Variants in PTPRD observed in about 807,000 individuals in gnomAD.
PTPRD encodes the protein receptor-type tyrosine-protein phosphatase delta.
PTPRD carries 34 observed loss-of-function variants against 214.5 expected under a neutral mutation model. The observed-to-expected ratio is 0.16, with a 90% CI of 0.12 to 0.21. The LOEUF is 0.21. Ranked by LOEUF, PTPRD falls within the 10% of genes least tolerant of loss-of-function variation. The pLI, the probability that PTPRD is intolerant of heterozygous loss-of-function variation, is 1.00. For synonymous variants in PTPRD, 1,128 were observed against 845.7 expected (o/e 1.33, Z -5.79); for missense variants, 2,545 against 2,398.7 (o/e 1.06, Z -1.27).
chr9:9,944,599 T>C (rs1252512714), intron 4 of PTPRD, among the ~76,000 whole-genome samples: 1 of 152,050 alleles, frequency 6.6e-6, no homozygotes, highest in African/African-American at 2.4e-5. Flanking sequence ...GTCAGGCATG[T>C]GTATAACTGG....
intron 4 of PTPRD, among the ~76,000 whole-genome samples, chr9:10,005,398 G>A (rs554242396): frequency 1.1e-4 from 16 of 152,176 alleles, no homozygotes; most frequent in Non-Finnish European, 1.9e-4. Flanking sequence ...CAGTTCCTGC[G>A]GACTGCTGCT....
At chr9:8,870,649 C>T (rs2098279158) in intron 11 of PTPRD, among the ~76,000 whole-genome samples, 1 of 149,056 alleles carries the variant, frequency 6.7e-6, no homozygotes, top group South Asian at 2.1e-4. Flanking sequence ...CTTTTCTTCT[C>T]AGGCAATAGA....
chr9:8,867,348 G>T (rs1034612768), intron 11 of PTPRD, among the ~76,000 whole-genome samples: 2 of 152,104 alleles, frequency 1.3e-5, no homozygotes, highest in East Asian at 3.9e-4. Flanking sequence ...GTTCTGCTCT[G>T]CCCTCCCCCT....
chr9:10,104,844 A>G (rs1333554314), intron 3 of PTPRD, among the ~76,000 whole-genome samples: 2 of 151,906 alleles, frequency 1.3e-5, no homozygotes, highest in Non-Finnish European at 2.9e-5. Context: ...TCCTTAGCAT[A>G]GACGATGATT....
rs546023056 is a variant in PTPRD, at chr9:10,421,407, A to G, written c.-599-80390T>C. Among the ~76,000 whole-genome samples, 6 of 152,018 alleles carry G rather than the reference A, an allele frequency of 3.9e-5. No homozygotes were observed. The East Asian group carries it at 1.2e-3, about 30-fold the overall frequency. On this transcript the variant is annotated intron_variant, in intron 2 of 45. Coordinates refer to ENST00000381196, the MANE Select transcript of PTPRD (RefSeq NM_002839.4). The stretch of plus-strand genomic sequence containing the variant: ...ATGGAGCAAGGTTCCGTTGATGAAA[A>G]CCATATCCAGATAGAAGAGATATGA...
At chr9:9,849,637 T>C (rs1341402739) in intron 5 of PTPRD, among the ~76,000 whole-genome samples, 3 of 151,516 alleles carry the variant, frequency 2.0e-5, no homozygotes, top group Non-Finnish European at 4.4e-5. Context: ...TTATGTAAGG[T>C]GTGATTGCTA....
At chr9:9,481,446 G>C (rs2095411015) in intron 8 of PTPRD, among the ~76,000 whole-genome samples, 1 of 152,100 alleles carries the variant, frequency 6.6e-6, no homozygotes. Context: ...GTTGTGCTCA[G>C]CAGGGCTGAT....
At chr9:10,124,562 C>T (rs1220694001) in intron 3 of PTPRD, among the ~76,000 whole-genome samples, 2 of 152,170 alleles carry the variant, frequency 1.3e-5, no homozygotes, top group Non-Finnish European at 1.5e-5. Flanking sequence ...CTTAGCCCTT[C>T]CTTAGACCTC....
At chr9:8,712,026 A>T (rs1002262562) in intron 12 of PTPRD, among the ~76,000 whole-genome samples, 1 of 152,242 alleles carries the variant, frequency 6.6e-6, no homozygotes, top group Admixed American at 6.5e-5. Flanking sequence ...AGTAATGAAT[A>T]CATAACTATG....
intron 3 of PTPRD, among the ~76,000 whole-genome samples, chr9:10,288,614 G>T (rs534920915): frequency 6.6e-6 from 1 of 152,162 alleles, no homozygotes; most frequent in Non-Finnish European, 1.5e-5. Flanking sequence ...AACAGCAGGA[G>T]AATTTGCTTA....
At chr9:9,791,186 G>A (rs1333161579) in intron 5 of PTPRD, among the ~76,000 whole-genome samples, 1 of 151,902 alleles carries the variant, frequency 6.6e-6, no homozygotes. Context: ...ATTCTCAGCT[G>A]GTTTTAAAAG....
chr9:8,442,537 G>A (rs1325262410), intron 34 of PTPRD, among the ~76,000 whole-genome samples: 4 of 152,056 alleles, frequency 2.6e-5, no homozygotes, highest in African/African-American at 7.2e-5. Flanking sequence ...ATAAAGGCTG[G>A]AGAACAGTTT....
chr9:8,618,278 T>A (rs755202153), intron 14 of PTPRD, among the ~76,000 whole-genome samples: 16 of 152,098 alleles, frequency 1.1e-4, no homozygotes, highest in African/African-American at 2.2e-4. Flanking sequence ...GGGTTCTGAA[T>A]AACAGATTAC....
At chr9:8,621,672 T>A (rs1245180802) in intron 14 of PTPRD, among the ~76,000 whole-genome samples, 2 of 151,718 alleles carry the variant, frequency 1.3e-5, no homozygotes, top group African/African-American at 4.8e-5. Flanking sequence ...GTTAACTTTA[T>A]TAACGCATCT....
chr9:10,422,302 A>G (rs1042456279), intron 2 of PTPRD, among the ~76,000 whole-genome samples: 1 of 152,094 alleles, frequency 6.6e-6, no homozygotes, highest in African/African-American at 2.4e-5. Context: ...TTATACAAAA[A>G]TTAATTCAAG....
intron 9 of PTPRD, among the ~76,000 whole-genome samples, chr9:9,199,038 G>T (rs1009550294): frequency 2.6e-5 from 4 of 152,102 alleles, no homozygotes; most frequent in East Asian, 3.9e-4. Flanking sequence ...AAGACATGTG[G>T]GCAGCAGGTC....
intron 10 of PTPRD, among the ~76,000 whole-genome samples, chr9:9,106,810 C>T (rs751476230): frequency 6.6e-6 from 1 of 152,072 alleles, no homozygotes; most frequent in African/African-American, 2.4e-5. Context: ...CCCTTATCCA[C>T]CTCCATGGAT....
intron 3 of PTPRD, among the ~76,000 whole-genome samples, chr9:10,171,255 A>C (rs939453510): frequency 1.3e-5 from 2 of 152,178 alleles, no homozygotes; most frequent in Non-Finnish European, 2.9e-5. Context: ...TGTAGCTCTC[A>C]TAATTCCCAC....
intron 34 of PTPRD, among the ~76,000 whole-genome samples, chr9:8,439,239 C>G (rs1412096354): frequency 1.3e-5 from 2 of 152,158 alleles, no homozygotes; most frequent in Admixed American, 1.3e-4. Context: ...CTGGTTTTGG[C>G]ATCTACTAAT....
Sources: gnomAD v4.1 joint callset for allele counts (sites outside exome capture counted in the v4.1 genomes callset) on GRCh38, gnomAD v4.1.1 for gene constraint, MANE v1.5 for transcripts, NCBI Gene and HGNC (gene_info 2026-07-23, HGNC 2026-07-21) for gene names.